OR14I1: variants seen among roughly 807,000 people sequenced by gnomAD.
The protein encoded by OR14I1 is olfactory receptor 14I1.
For missense variants in OR14I1, 279 were observed against 181.8 expected, an observed-to-expected ratio of 1.53 and a Z score of -3.07; for synonymous variants, 118 against 71.1, an observed-to-expected ratio of 1.66 and a Z score of -3.32.
At chr1:248,691,278 G>A in the OR14I1 span, among the ~76,000 whole-genome samples, 2 of 152,168 alleles carry the variant, frequency 1.3e-5, no homozygotes, top group East Asian at 1.9e-4. Flanking sequence ...GCTAAAGGCT[G>A]GAAGTATGTG....
chr1:248,689,550 G>A, the OR14I1 span, among the ~76,000 whole-genome samples: 15 of 152,146 alleles, frequency 9.9e-5, no homozygotes, highest in East Asian at 1.5e-3. Flanking sequence ...CAGTTGCAGC[G>A]TGAGAGCAAT....
the OR14I1 span, chr1:248,692,608 C>T: frequency 6.6e-6 from 1 of 152,496 alleles, no homozygotes; most frequent in Admixed American, 6.5e-5. Flanking sequence ...GGGCAGTGTA[C>T]TCATCAGCAC....
chr1:248,685,566 T>C (rs1661637348), upstream of OR14I1, among the ~76,000 whole-genome samples: 2 of 152,166 alleles, frequency 1.3e-5, no homozygotes, highest in South Asian at 4.1e-4. Flanking sequence ...TAATGTATTA[T>C]CTAGAGAATG....
At chr1:248,679,230 C>A (rs1230646822), downstream of OR14I1, among the ~76,000 whole-genome samples, 2 of 152,084 alleles carry the variant, frequency 1.3e-5, no homozygotes, top group East Asian at 3.9e-4. Flanking sequence ...CATAAAAACT[C>A]TGTACAAATT....
upstream of OR14I1, among the ~76,000 whole-genome samples, chr1:248,683,377 A>C (rs763055506): frequency 1.3e-5 from 2 of 152,218 alleles, no homozygotes; most frequent in African/African-American, 4.8e-5. Context: ...CATGACTCAA[A>C]TATTCTCACT....
chr1:248,692,959 AC>A, the OR14I1 span, among the ~76,000 whole-genome samples: 1 of 152,142 alleles, frequency 6.6e-6, no homozygotes, highest in Non-Finnish European at 1.5e-5. Context: ...GAAAATGTTC[AC>A]CAGTGAAACG....
exon 1 of OR14I1, chr1:248,682,157 C>T (rs4509608): frequency 0.83 from 651,139 of 780,776 alleles, 276,896 homozygotes; most frequent in Non-Finnish European, 0.88. Context: ...AGATGCTGAT[C>T]GAGAGTGATG....
the OR14I1 span, among the ~76,000 whole-genome samples, chr1:248,697,683 T>G: frequency 2.0e-5 from 3 of 152,096 alleles, no homozygotes; most frequent in Non-Finnish European, 4.4e-5. Flanking sequence ...CTCGGGAGAC[T>G]GAGGCAGGAG....
chr1:248,681,917 A>G, exon 1 of OR14I1: 2 of 781,036 alleles, frequency 2.6e-6, no homozygotes, highest in Non-Finnish European at 4.8e-6. Flanking sequence ...ACGGCTCTGT[A>G]TTGGAGGGGG....
chr1:248,691,207 T>C, the OR14I1 span, among the ~76,000 whole-genome samples: 6 of 152,194 alleles, frequency 3.9e-5, no homozygotes, highest in Admixed American at 3.3e-4. Context: ...AGCTCATAGG[T>C]AGAAGGGACC....
upstream of OR14I1, among the ~76,000 whole-genome samples, chr1:248,683,139 C>A (rs1661592087): frequency 1.3e-5 from 2 of 152,138 alleles, no homozygotes; most frequent in African/African-American, 4.8e-5. Context: ...ACTGAAAGAG[C>A]CAGCACCTGA....
upstream of OR14I1, among the ~76,000 whole-genome samples, chr1:248,684,775 T>TAC (rs1558191025): frequency 9.7e-5 from 13 of 134,142 alleles, no homozygotes; most frequent in Non-Finnish European, 1.7e-4. Flanking sequence ...TATATATATA[T>TAC]ATACACACAC....
At chr1:248,692,617 A>G in the OR14I1 span, 1 of 152,582 alleles carries the variant, frequency 6.6e-6, no homozygotes, top group Admixed American at 6.5e-5. Context: ...ACTCATCAGC[A>G]CGGCATAAGG....
chr1:248,695,401 T>G, the OR14I1 span, among the ~76,000 whole-genome samples: 1 of 151,998 alleles, frequency 6.6e-6, no homozygotes, highest in East Asian at 1.9e-4. Context: ...GCCCAGCTAA[T>G]TTTTTGTGTT....
the OR14I1 span, among the ~76,000 whole-genome samples, chr1:248,689,482 G>C: frequency 6.6e-6 from 1 of 152,152 alleles, no homozygotes; most frequent in Non-Finnish European, 1.5e-5. Context: ...AACAAAGTTA[G>C]AGCTCAAAAC....
downstream of OR14I1, among the ~76,000 whole-genome samples, chr1:248,681,030 CA>C (rs1215552909): frequency 6.7e-6 from 1 of 150,328 alleles, no homozygotes; most frequent in Non-Finnish European, 1.5e-5. Context: ...TTCATACTAA[CA>C]GGAGTGCAAG....
At chr1:248,688,392 C>G in the OR14I1 span, among the ~76,000 whole-genome samples, 3 of 152,340 alleles carry the variant, frequency 2.0e-5, no homozygotes, top group South Asian at 6.2e-4. Context: ...ATGTAAATTT[C>G]TCTTACAAAG....
chr1:248,695,207 C>T, the OR14I1 span, among the ~76,000 whole-genome samples: 8 of 147,012 alleles, frequency 5.4e-5, no homozygotes, highest in South Asian at 4.4e-4. Context: ...TAAGTTTTTA[C>T]GAATTACTTT....
At chr1:248,691,492 G>C in the OR14I1 span, among the ~76,000 whole-genome samples, 1 of 152,244 alleles carries the variant, frequency 6.6e-6, no homozygotes, top group Non-Finnish European at 1.5e-5. Flanking sequence ...AGGTAGGGAA[G>C]AGGGTGAGGC....
Sources: gnomAD v4.1 joint callset for allele counts (sites outside exome capture counted in the v4.1 genomes callset) on GRCh38, gnomAD v4.1.1 for gene constraint, MANE v1.5 for transcripts, NCBI Gene and HGNC (gene_info 2026-07-23, HGNC 2026-07-21) for gene names.